The following SOBP variants were observed in gnomAD, a reference collection of about 807,000 sequenced individuals.
SOBP encodes the protein sine oculis-binding protein homolog.
A neutral mutation model predicts 53.6 loss-of-function variants in SOBP; 4 were observed. The ratio of observed to expected loss-of-function variants is 0.07; its 90% CI spans 0.04 to 0.17. The LOEUF (loss-of-function observed/expected upper bound fraction) is 0.17. Ranked by LOEUF, SOBP falls within the 10% of genes least tolerant of loss-of-function variation. SOBP has a pLI of 1.00. For synonymous variants in SOBP, 584 were observed against 522.6 expected (o/e 1.12, Z -1.60); for missense variants, 1,088 against 1,204.7 (o/e 0.90, Z 1.43).
chr6:107,543,687 T>C (rs1285311458), intron 4 of SOBP, among the ~76,000 whole-genome samples: 1 of 152,206 alleles, frequency 6.6e-6, no homozygotes, highest in African/African-American at 2.4e-5. Flanking sequence ...GGTTAATTCA[T>C]GAGGCTGAAT....
intron 4 of SOBP, among the ~76,000 whole-genome samples, chr6:107,568,634 T>G (rs1177046261): frequency 6.6e-6 from 1 of 152,182 alleles, no homozygotes; most frequent in African/African-American, 2.4e-5. Flanking sequence ...AGAGATGTGT[T>G]GAATGAGAAG....
chr6:107,504,707 C>T (rs2114946643), intron 2 of SOBP, among the ~76,000 whole-genome samples: 1 of 152,320 alleles, frequency 6.6e-6, no homozygotes, highest in Middle Eastern at 3.4e-3. Context: ...TAAGATAGAG[C>T]TTTCCCTTCT....
intron 4 of SOBP, among the ~76,000 whole-genome samples, chr6:107,536,130 A>G (rs1247759793): frequency 1.3e-5 from 2 of 152,158 alleles, no homozygotes; most frequent in Middle Eastern, 3.2e-3. Context: ...TGCCTTAGGT[A>G]TAGTGTAGAC....
intron 4 of SOBP, among the ~76,000 whole-genome samples, chr6:107,564,488 G>T (rs1448973884): frequency 6.8e-6 from 1 of 148,054 alleles, no homozygotes; most frequent in African/African-American, 2.5e-5. Context: ...TCAGCCTTCA[G>T]GGCATAATCT....
chr6:107,537,306 A>G (rs1203969139), intron 4 of SOBP, among the ~76,000 whole-genome samples: 6 of 152,340 alleles, frequency 3.9e-5, no homozygotes, highest in Non-Finnish European at 7.3e-5. Flanking sequence ...TTCCTTTTAC[A>G]TGGGAAATAT....
chr6:107,584,661 T>A (rs1202213108), intron 4 of SOBP, among the ~76,000 whole-genome samples: 1 of 152,182 alleles, frequency 6.6e-6, no homozygotes, highest in Non-Finnish European at 1.5e-5. Context: ...GCTTTCTGTC[T>A]CCACTTCCGA....
In SOBP at chr6:107,500,671, G is replaced by A. The variant is rs994607655; in HGVS notation, c.97-2986G>A. Among the ~76,000 whole-genome samples the A allele has an allele frequency of 1.8e-4, 27 of 151,602 alleles. No individual in the cohort carries two copies. In the East Asian group the frequency reaches 2.2e-3, roughly 12 times the overall value. On this transcript the variant is annotated intron_variant, in intron 1 of 6. Transcript: ENST00000317357. ...CAAGTAGCTGGGACTACAGGCGCCC[G>A]CCACTACGCCCGGCTAATTTTTTGT...
intron 6 of SOBP, among the ~76,000 whole-genome samples, chr6:107,650,835 A>G (rs1771773045): frequency 6.6e-6 from 1 of 152,368 alleles, no homozygotes; most frequent in South Asian, 2.1e-4. Flanking sequence ...CATGTCTCTC[A>G]TTTTGAATCA....
At chr6:107,602,627 A>C (rs991532796) in intron 5 of SOBP, among the ~76,000 whole-genome samples, 1 of 151,892 alleles carries the variant, frequency 6.6e-6, no homozygotes, top group African/African-American at 2.4e-5. Context: ...GAATCCACTA[A>C]AAAGGCAACA....
chr6:107,515,552 C>T lies in SOBP; in HGVS notation c.421+9125C>T, dbSNP rs143029244. ...TCACTTGAGCTCAGGAGTTTGAGACCGGCCTGGGCAACATGGCAAAACCCT... is the reference window on the plus strand; with the variant it reads ...TCACTTGAGCTCAGGAGTTTGAGACTGGCCTGGGCAACATGGCAAAACCCT... On this transcript the variant is annotated intron_variant, in intron 3 of 6. Coordinates refer to ENST00000317357, the MANE Select transcript of SOBP (RefSeq NM_018013.4). 6.4e-3 allele frequency among the ~76,000 whole-genome samples: 976 copies of T among 152,172 alleles called. 31 individuals carry two copies. In the East Asian group the frequency reaches 0.09, roughly 14 times the overall value.
At chr6:107,616,415 A>G (rs1786794431) in intron 5 of SOBP, among the ~76,000 whole-genome samples, 1 of 152,234 alleles carries the variant, frequency 6.6e-6, no homozygotes, top group Admixed American at 6.5e-5. Context: ...GAAAAGTAAA[A>G]CAATAGAACA....
chr6:107,569,979 T>C (rs1436154422), intron 4 of SOBP, among the ~76,000 whole-genome samples: 1 of 152,208 alleles, frequency 6.6e-6, no homozygotes, highest in African/African-American at 2.4e-5. Flanking sequence ...GGGCCCATGA[T>C]GCTAGCCATT....
chr6:107,531,888 T>C (rs1320611823), intron 3 of SOBP, among the ~76,000 whole-genome samples: 1 of 152,122 alleles, frequency 6.6e-6, no homozygotes, highest in East Asian at 1.9e-4. Flanking sequence ...AAATGCTGCA[T>C]ATAGTTCTGA....
intron 5 of SOBP, chr6:107,621,189 T>C (rs1367115209): frequency 1.5e-6 from 1 of 685,930 alleles, no homozygotes; most frequent in East Asian, 1.3e-4. Flanking sequence ...TAAATATATA[T>C]GAATACCTAT....
chr6:107,553,810 C>T (rs555440983), intron 4 of SOBP, among the ~76,000 whole-genome samples: 2 of 152,092 alleles, frequency 1.3e-5, no homozygotes, highest in Admixed American at 6.6e-5. Flanking sequence ...TTAGTAGAGA[C>T]GAGGTTTTGC....
intron 4 of SOBP, among the ~76,000 whole-genome samples, chr6:107,574,547 A>G (rs1378574492): frequency 6.6e-6 from 1 of 152,192 alleles, no homozygotes; most frequent in African/African-American, 2.4e-5. Context: ...AGAGATTTCA[A>G]AATGAGTGAG....
chr6:107,572,015 T>C (rs1324034638), intron 4 of SOBP, among the ~76,000 whole-genome samples: 1 of 152,102 alleles, frequency 6.6e-6, no homozygotes, highest in Non-Finnish European at 1.5e-5. Flanking sequence ...AATAAATCGG[T>C]AAAATAAAAG....
intron 5 of SOBP, among the ~76,000 whole-genome samples, chr6:107,605,688 G>T (rs1386832836): frequency 6.6e-6 from 1 of 152,178 alleles, no homozygotes; most frequent in Admixed American, 6.5e-5. Context: ...CTGTGCCCTG[G>T]TTCAAAATTC....
rs149440663 is a variant in SOBP at position 107,508,179 on chromosome 6, C to G, written c.421+1752C>G. ...TAAACAGTGAAGAAATTTGTAGATA[C>G]AAGTTCCTGGGCTTATGTTATAGAT... is the stretch of plus-strand genomic sequence containing the variant. On this transcript the variant is annotated intron_variant, in intron 3 of 6. Coordinates refer to ENST00000317357, the MANE Select transcript of SOBP (RefSeq NM_018013.4). Among the ~76,000 whole-genome samples, 118 of 152,314 alleles carry G rather than the reference C, an allele frequency of 7.7e-4. 2 individuals are homozygous for G. The East Asian group carries it at 9.1e-3, about 12-fold the overall frequency.
Sources: allele counts gnomAD v4.1 joint callset (sites outside exome capture counted in the v4.1 genomes callset), GRCh38; gene constraint gnomAD v4.1.1; transcripts MANE v1.5; gene names NCBI Gene and HGNC (gene_info 2026-07-23, HGNC 2026-07-21).